The following PARVA variants were observed in gnomAD, a reference collection of about 807,000 sequenced individuals.
PARVA encodes parvin alpha.
A neutral mutation model predicts 52.6 loss-of-function variants in PARVA; 25 were observed. That is an observed-to-expected ratio of 0.48 (90% CI 0.35 to 0.66). The LOEUF (loss-of-function observed/expected upper bound fraction) is 0.66. PARVA is among the 30% of genes least tolerant of loss of function. The pLI is 0.01. For missense variants in PARVA, 373 were observed against 450.9 expected, an observed-to-expected ratio of 0.83 and a Z score of 1.56; for synonymous variants, 185 against 179.1, an observed-to-expected ratio of 1.03 and a Z score of -0.26.
At chr11:12,526,652 T>C (rs1329434771) in intron 12 of PARVA, among the ~76,000 whole-genome samples, 1 of 152,160 alleles carries the variant, frequency 6.6e-6, no homozygotes, top group East Asian at 1.9e-4. Context: ...ACCTCTCCCT[T>C]CTCCCTAAAG....
At chr11:12,410,947 C>T (rs960825827) in intron 1 of PARVA, among the ~76,000 whole-genome samples, 1 of 152,186 alleles carries the variant, frequency 6.6e-6, no homozygotes, top group South Asian at 2.1e-4. Flanking sequence ...CTAACCTCGC[C>T]GTACCTCACT....
intron 1 of PARVA, among the ~76,000 whole-genome samples, chr11:12,405,405 A>C (rs990736653): frequency 6.6e-6 from 1 of 152,148 alleles, no homozygotes; most frequent in Non-Finnish European, 1.5e-5. Flanking sequence ...AAAATATATT[A>C]AGTATAAAGA....
chr11:12,389,289 C>T (rs1939623676), intron 1 of PARVA, among the ~76,000 whole-genome samples: 1 of 152,146 alleles, frequency 6.6e-6, no homozygotes. Context: ...CCAGTGTCTG[C>T]TCCCTTCTGT....
At chr11:12,398,964 C>T (rs79952594) in intron 1 of PARVA, among the ~76,000 whole-genome samples, 3,080 of 152,178 alleles carry the variant, frequency 0.02, 115 homozygotes, top group African/African-American at 0.071. Context: ...TTAATCCTGC[C>T]GAACCCTATA....
intron 5 of PARVA, among the ~76,000 whole-genome samples, chr11:12,497,523 C>T (rs1279280935): frequency 6.6e-6 from 1 of 152,224 alleles, no homozygotes; most frequent in Non-Finnish European, 1.5e-5. Flanking sequence ...ACAATCCCTC[C>T]AGCAGGTCTC....
rs1372237471 is a variant in PARVA at position 12,438,096 on chromosome 11, T to A, written c.137-35649T>A. Among the ~76,000 whole-genome samples the A allele has an allele frequency of 2.0e-5, 3 of 151,738 alleles. No homozygotes were observed. The East Asian group carries it at 5.8e-4, about 29-fold the overall frequency. On this transcript the variant is annotated intron_variant, in intron 1 of 12. Transcript: ENST00000334956. ...TAACACGGTGCAACCCTGTCTCTAC[T>A]AAAAATACAAAAAATTAGCCGGGCA... is the stretch of plus-strand genomic sequence containing the variant.
At chr11:12,526,504 G>C (rs918039483) in intron 12 of PARVA, among the ~76,000 whole-genome samples, 1 of 152,060 alleles carries the variant, frequency 6.6e-6, no homozygotes, top group Non-Finnish European at 1.5e-5. Flanking sequence ...ATACAGAAAG[G>C]TGCATGAAAC....
intron 1 of PARVA, among the ~76,000 whole-genome samples, chr11:12,468,699 C>T (rs1005429029): frequency 5.9e-5 from 9 of 152,008 alleles, no homozygotes; most frequent in African/African-American, 2.2e-4. Flanking sequence ...CAACAAGAAC[C>T]CCATCTTTCT....
At chr11:12,424,552 A>C (rs1172574426) in intron 1 of PARVA, among the ~76,000 whole-genome samples, 2 of 152,216 alleles carry the variant, frequency 1.3e-5, no homozygotes, top group Non-Finnish European at 2.9e-5. Flanking sequence ...AGCCACATTG[A>C]AGTCTCAATA....
chr11:12,454,662 A>G (rs1474767046), intron 1 of PARVA, among the ~76,000 whole-genome samples: 2 of 151,908 alleles, frequency 1.3e-5, no homozygotes, highest in Admixed American at 1.3e-4. Context: ...CTACCAATGC[A>G]CCCAGCAGCC....
At chr11:12,379,800 C>T (rs1939459232) in intron 1 of PARVA, among the ~76,000 whole-genome samples, 1 of 152,194 alleles carries the variant, frequency 6.6e-6, no homozygotes, top group African/African-American at 2.4e-5. Flanking sequence ...GGTAACCCAT[C>T]GAGTAGTGTA....
chr11:12,503,487 C>A, intron 5 of PARVA, among the ~76,000 whole-genome samples: 1 of 152,016 alleles, frequency 6.6e-6, no homozygotes, highest in East Asian at 1.9e-4. Context: ...TTGTCAGGAT[C>A]CTCATGGGAA....
chr11:12,493,368 AAAGAG>A lies in PARVA; in HGVS notation c.401-3088_401-3084del, dbSNP rs556939704. ...GAGACTCCATCTCAAAAAAAAAAAA[AAAGAG>A]AGAATATTAACACACACACAATAAG... On this transcript the variant is annotated intron_variant, in intron 4 of 12. Coordinates refer to ENST00000334956, the MANE Select transcript of PARVA (RefSeq NM_018222.5). Among the ~76,000 whole-genome samples, 89 of 151,962 alleles carry A rather than the reference AAAGAG, an allele frequency of 5.9e-4. No homozygotes were observed. The East Asian group carries it at 7.7e-3, about 13-fold the overall frequency.
chr11:12,483,988 G>A (rs1171894816), intron 4 of PARVA, among the ~76,000 whole-genome samples: 1 of 152,134 alleles, frequency 6.6e-6, no homozygotes, highest in African/African-American at 2.4e-5. Flanking sequence ...GGTGATTGAT[G>A]GAAGAAAGAG....
intron 1 of PARVA, among the ~76,000 whole-genome samples, chr11:12,426,898 G>A (rs1940243106): frequency 6.6e-6 from 1 of 152,298 alleles, no homozygotes. Context: ...GACTGGAGAG[G>A]AATGGATATT....
chr11:12,484,507 GTGTGTGTGTGTGT>G (rs1941132087), intron 4 of PARVA, among the ~76,000 whole-genome samples: 3 of 4,358 alleles, frequency 6.9e-4, no homozygotes, highest in South Asian at 0.083. Flanking sequence ...TTGTTTTGGT[GTGTGTGTGTGTGT>G]GTGTGTGTGT....
In PARVA at chr11:12,496,510, T is replaced by C. The variant is rs751496205; in HGVS notation, c.453T>C (p.Ile151=). 1 of 1,609,552 alleles carries C rather than the reference T, an allele frequency of 6.2e-7. No homozygotes were observed. The highest frequency in any genetic ancestry group is 1.3e-5 in the African/African-American group (1 of 74,870). The change falls in exon 5 of 13, where the codon ATT becomes ATC. Residue 151 remains isoleucine, a synonymous_variant. Transcript: ENST00000334956. ...TGGCTGAGGTCACCCAGTCAGAGAT[T>C]GCTCAGAAGCAAAAACTGCAGACTG... ...LNVAEVTQSE[I]AQKQKLQTVL... is the part of the protein sequence containing the mutation.
intron 1 of PARVA, among the ~76,000 whole-genome samples, chr11:12,451,954 G>C (rs949777402): frequency 6.6e-6 from 1 of 152,010 alleles, no homozygotes; most frequent in Non-Finnish European, 1.5e-5. Flanking sequence ...ATTACATCTC[G>C]GGATTCCTCC....
chr11:12,447,779 G>C (rs1375219320), intron 1 of PARVA, among the ~76,000 whole-genome samples: 1 of 152,136 alleles, frequency 6.6e-6, no homozygotes, highest in South Asian at 2.1e-4. Context: ...TAAAAACCTC[G>C]TAGGGTTCCA....
Sources: allele counts gnomAD v4.1 joint callset (sites outside exome capture counted in the v4.1 genomes callset), GRCh38; gene constraint gnomAD v4.1.1; transcripts MANE v1.5; gene names NCBI Gene and HGNC (gene_info 2026-07-23, HGNC 2026-07-21).